The following ATP6V1C1 variants were observed in gnomAD, a reference collection of about 807,000 sequenced individuals.
ATP6V1C1 encodes the protein ATPase H+ transporting V1 subunit C1.
ATP6V1C1 carries 45 observed loss-of-function variants against 53.9 expected under a neutral mutation model. The observed-to-expected ratio is 0.83, with a 90% CI of 0.66 to 1.07. ATP6V1C1 has a LOEUF of 1.07. Among genes scored for constraint, ATP6V1C1 ranks in the 50% least tolerant of loss-of-function variants. The pLI is 0.00. For missense variants in ATP6V1C1, 315 were observed against 440.3 expected (o/e 0.72, Z 2.55); for synonymous variants, 153 against 155.2 (o/e 0.99, Z 0.11).
At chr8:103,031,590 A>G (rs933626305) in intron 1 of ATP6V1C1, among the ~76,000 whole-genome samples, 1 of 152,208 alleles carries the variant, frequency 6.6e-6, no homozygotes, top group African/African-American at 2.4e-5. Context: ...AGGTAACGTT[A>G]CTACAGGGAG....
At chr8:103,062,921 TA>T in intron 8 of ATP6V1C1, 33 bp from the exon 9 acceptor site, 1 of 1,593,810 alleles carries the variant, frequency 6.3e-7, no homozygotes, top group Non-Finnish European at 8.6e-7. Context: ...GCAATACGTA[TA>T]AATCTTTAAA....
chr8:103,062,039 A>G (rs929507449), intron 8 of ATP6V1C1, among the ~76,000 whole-genome samples: 1 of 152,110 alleles, frequency 6.6e-6, no homozygotes, highest in African/African-American at 2.4e-5. Context: ...AGTGATGTCC[A>G]TGGAGCTGTG....
At chr8:103,034,399 A>C (rs1816854434) in intron 1 of ATP6V1C1, among the ~76,000 whole-genome samples, 1 of 152,162 alleles carries the variant, frequency 6.6e-6, no homozygotes, top group Non-Finnish European at 1.5e-5. Flanking sequence ...GCAAGTTGAT[A>C]ACAAATGGCC....
At chr8:103,022,931 TA>T (rs1816623936) in intron 1 of ATP6V1C1, among the ~76,000 whole-genome samples, 2 of 152,110 alleles carry the variant, frequency 1.3e-5, no homozygotes, top group African/African-American at 2.4e-5. Flanking sequence ...TGTGTGCTTG[TA>T]GTCCTAGCTG....
intron 8 of ATP6V1C1, among the ~76,000 whole-genome samples, chr8:103,059,887 C>CA (rs1020165745): frequency 3.2e-5 from 2 of 63,342 alleles, no homozygotes; most frequent in Admixed American, 3.7e-4. Flanking sequence ...CGCACACACA[C>CA]ACACACACAC....
intron 1 of ATP6V1C1, among the ~76,000 whole-genome samples, chr8:103,037,102 A>G (rs1051773218): frequency 6.6e-6 from 1 of 152,194 alleles, no homozygotes; most frequent in African/African-American, 2.4e-5. Flanking sequence ...TATTAACTGG[A>G]AGCAACCGGC....
chr8:103,047,617 C>A (rs1156583291), intron 3 of ATP6V1C1, among the ~76,000 whole-genome samples: 2 of 152,166 alleles, frequency 1.3e-5, no homozygotes, highest in Non-Finnish European at 2.9e-5. Flanking sequence ...GCTTCAGAGG[C>A]TGTGTATCTG....
intron 3 of ATP6V1C1, 125 bp downstream of exon 3, chr8:103,042,532 TC>T: frequency 1.3e-6 from 1 of 790,616 alleles, no homozygotes; most frequent in South Asian, 2.0e-5. Flanking sequence ...ACGACTTTTT[TC>T]CCTTCGTATA....
chr8:103,044,871 A>G (rs147244069), intron 3 of ATP6V1C1, among the ~76,000 whole-genome samples: 3 of 152,294 alleles, frequency 2.0e-5, no homozygotes, highest in African/African-American at 7.2e-5. Flanking sequence ...ATGTTACTCC[A>G]TTTATTTGAA....
intron 3 of ATP6V1C1, among the ~76,000 whole-genome samples, chr8:103,043,975 G>A (rs1376084572): frequency 2.0e-5 from 3 of 152,016 alleles, no homozygotes; most frequent in African/African-American, 7.3e-5. Flanking sequence ...TGCAGCCTCC[G>A]CCTCCTGGGT....
At position 103,066,325 on chromosome 8, in the gene ATP6V1C1, G is replaced by C; in HGVS notation, c.931G>C (p.Gly311Arg). The C allele has an allele frequency of 1.2e-6, 2 of 1,606,770 alleles. No homozygotes were observed. The highest frequency in any genetic ancestry group is 1.7e-6 in the Non-Finnish European group (2 of 1,178,016). Reference protein sequence around the residue: ...RVFVESVLRYGLPVNFQAMLL... With the variant: ...RVFVESVLRYRLPVNFQAMLL... ...GTATTTCTGCTTTTTTGTAAGGTAT[G>C]GCTTGCCAGTGAACTTCCAAGCAAT... Residue 311 changes from glycine to arginine, a missense_variant, in exon 12 of 13, where the codon GGC (glycine) becomes CGC (arginine). Coordinates refer to ENST00000518738, the MANE Select transcript of ATP6V1C1 (RefSeq NM_001695.5).
At position 103,056,083 on chromosome 8, in the gene ATP6V1C1, A is replaced by G. The variant is rs536837612; in HGVS notation, c.641+147A>G. 1.8e-5 allele frequency: 13 copies of G among 712,656 alleles called. No homozygotes were observed. In the Admixed American group the frequency reaches 2.9e-4, roughly 16 times the overall value. 44.1% of individuals were successfully genotyped at this position (712,656 alleles called of 1,614,324 possible). A position where few individuals can be genotyped will look rare whatever the true frequency, so the allele number is the denominator to read the frequency against. On this transcript the variant is annotated intron_variant, in intron 8 of 12. Coordinates refer to ENST00000518738, the MANE Select transcript of ATP6V1C1 (RefSeq NM_001695.5). ...TATGAACTCTAGTTGTAATAATTTT[A>G]GACCTAGAAGGGACTTGGCACAGTC...
At chr8:103,059,697 C>T (rs1586325847) in intron 8 of ATP6V1C1, among the ~76,000 whole-genome samples, 1 of 152,094 alleles carries the variant, frequency 6.6e-6, no homozygotes, top group Non-Finnish European at 1.5e-5. Context: ...TGCCACTGCT[C>T]CAGCTCTGAC....
At chr8:103,035,065 G>A (rs1374947479) in intron 1 of ATP6V1C1, among the ~76,000 whole-genome samples, 1 of 152,162 alleles carries the variant, frequency 6.6e-6, no homozygotes, top group East Asian at 1.9e-4. Context: ...TTGCTTTGAC[G>A]AGGGGTAGAA....
intron 1 of ATP6V1C1, among the ~76,000 whole-genome samples, chr8:103,032,158 G>A (rs1181745942): frequency 1.3e-5 from 2 of 151,662 alleles, no homozygotes; most frequent in Non-Finnish European, 2.9e-5. Context: ...AGGAAATTGT[G>A]TCAAGATCAT....
chr8:103,054,158 A>G (rs946247458), intron 7 of ATP6V1C1, among the ~76,000 whole-genome samples, 176 bp downstream of exon 7: 3 of 152,036 alleles, frequency 2.0e-5, no homozygotes, highest in African/African-American at 7.2e-5. Context: ...TTAGATCATA[A>G]CCTGGCAATG....
rs763869976 is a variant in ATP6V1C1, at chr8:103,052,750, A to G, written c.401A>G (p.Asn134Ser). The G allele has an allele frequency of 6.3e-7, 1 of 1,593,036 alleles. No homozygotes were observed. Among genetic ancestry groups the G allele is most frequent in the Non-Finnish European group, 8.5e-7 (1 of 1,171,992 alleles). The change falls in exon 6 of 13, where the codon AAT becomes AGT. Residue 134 changes from asparagine (N) to serine (S), a missense_variant. Asn to Ser is a conservative substitution (Grantham distance 46, BLOSUM62 1). Coordinates refer to ENST00000518738, the MANE Select transcript of ATP6V1C1 (RefSeq NM_001695.5). ...IIAKGVTQID[N>S]DLKSRASAYN... Reference sequence around the variant, plus strand: ...TCAAAGGGAGTAACTCAGATTGATAATGACCTGAAATCTCGAGCATCTGCA... The same window carrying G: ...TCAAAGGGAGTAACTCAGATTGATAGTGACCTGAAATCTCGAGCATCTGCA...
chr8:103,042,234 A>G (rs1386101240), intron 2 of ATP6V1C1, 106 bp from the exon 3 acceptor site: 2 of 1,091,088 alleles, frequency 1.8e-6, no homozygotes, highest in Non-Finnish European at 2.7e-6. Flanking sequence ...ATGAAATAAA[A>G]TAGGGAGAAT....
intron 1 of ATP6V1C1, among the ~76,000 whole-genome samples, chr8:103,038,202 G>A (rs1488931490): frequency 6.6e-6 from 1 of 152,136 alleles, no homozygotes; most frequent in Non-Finnish European, 1.5e-5. Context: ...GGCTCAAAAT[G>A]GCCTCAGTCA....
Sources: gnomAD v4.1 joint callset for allele counts (sites outside exome capture counted in the v4.1 genomes callset) on GRCh38, gnomAD v4.1.1 for gene constraint, MANE v1.5 for transcripts, NCBI Gene and HGNC (gene_info 2026-07-23, HGNC 2026-07-21) for gene names.